Variants in AHCYL2 observed in about 807,000 individuals in gnomAD.
AHCYL2 encodes the protein S-adenosylhomocysteine hydrolase-like protein 2.
A neutral mutation model predicts 81.4 loss-of-function variants in AHCYL2; 28 were observed. The ratio of observed to expected loss-of-function variants is 0.34; its 90% CI spans 0.25 to 0.47. The LOEUF is 0.47. Among genes scored for constraint, AHCYL2 ranks in the 20% least tolerant of loss-of-function variants. The pLI, the probability that AHCYL2 is intolerant of heterozygous loss-of-function variation, is 1.00. For missense variants in AHCYL2, 551 were observed against 785.1 expected, an observed-to-expected ratio of 0.70 and a Z score of 3.56; for synonymous variants, 272 against 290.2, an observed-to-expected ratio of 0.94 and a Z score of 0.64.
intron 1 of AHCYL2, among the ~76,000 whole-genome samples, chr7:129,229,373 G>T (rs1794339973): frequency 6.6e-6 from 1 of 152,156 alleles, no homozygotes; most frequent in Admixed American, 6.5e-5. Flanking sequence ...TTATGTGCCA[G>T]GAGTTGTCAT....
intron 1 of AHCYL2, among the ~76,000 whole-genome samples, chr7:129,312,751 G>C (rs1797704052): frequency 6.6e-6 from 1 of 152,080 alleles, no homozygotes; most frequent in Non-Finnish European, 1.5e-5. Context: ...TCCACATTGA[G>C]ACATTGAACG....
intron 5 of AHCYL2, among the ~76,000 whole-genome samples, chr7:129,398,482 G>A (rs1332837024): frequency 2.6e-5 from 4 of 151,714 alleles, no homozygotes; most frequent in Non-Finnish European, 2.9e-5. Flanking sequence ...AGGTTCAAGC[G>A]ATTCTCCTGC....
intron 10 of AHCYL2, among the ~76,000 whole-genome samples, chr7:129,409,168 G>C (rs927982070): frequency 6.6e-6 from 1 of 152,128 alleles, no homozygotes; most frequent in Admixed American, 6.6e-5. Flanking sequence ...ATCTTGGAGA[G>C]AGCAGTTTCA....
chr7:129,291,243 G>A (rs1455426813), intron 1 of AHCYL2, among the ~76,000 whole-genome samples: 1 of 152,122 alleles, frequency 6.6e-6, no homozygotes, highest in Non-Finnish European at 1.5e-5. Flanking sequence ...TTGCAGGGAA[G>A]TAAAACAAAA....
At chr7:129,387,103 T>C (rs73721725) in intron 2 of AHCYL2, among the ~76,000 whole-genome samples, 2,069 of 152,354 alleles carry the variant, frequency 0.014, 49 homozygotes, top group African/African-American at 0.048. Flanking sequence ...TGTTCTCCTA[T>C]TATATAGTCT....
intron 1 of AHCYL2, among the ~76,000 whole-genome samples, chr7:129,260,740 C>T (rs1461546281): frequency 6.6e-6 from 1 of 152,200 alleles, no homozygotes; most frequent in African/African-American, 2.4e-5. Context: ...CAAAGGCCCA[C>T]CTTGAGCTTA....
At chr7:129,324,966 C>A (rs577113397) in intron 1 of AHCYL2, among the ~76,000 whole-genome samples, 1 of 152,316 alleles carries the variant, frequency 6.6e-6, no homozygotes, top group South Asian at 2.1e-4. Context: ...AGTGTACTTC[C>A]ATTTCTTTCC....
chr7:129,302,004 C>T (rs919997507), intron 1 of AHCYL2, among the ~76,000 whole-genome samples: 3 of 151,936 alleles, frequency 2.0e-5, no homozygotes, highest in East Asian at 1.9e-4. Flanking sequence ...TGTTCCAATC[C>T]GTGGACATGG....
chr7:129,234,529 C>G (rs1477784213), intron 1 of AHCYL2, among the ~76,000 whole-genome samples: 1 of 152,034 alleles, frequency 6.6e-6, no homozygotes, highest in Non-Finnish European at 1.5e-5. Context: ...AGGCGCGAGC[C>G]CACACCTGGC....
chr7:129,253,755 G>T (rs1057482588), intron 1 of AHCYL2, among the ~76,000 whole-genome samples: 1 of 152,120 alleles, frequency 6.6e-6, no homozygotes, highest in Non-Finnish European at 1.5e-5. Flanking sequence ...GGGATTACAG[G>T]CATAAGCTGC....
At chr7:129,411,305 A>G (rs569882293) in intron 11 of AHCYL2, among the ~76,000 whole-genome samples, 1 of 152,208 alleles carries the variant, frequency 6.6e-6, no homozygotes, top group East Asian at 1.9e-4. Flanking sequence ...TTATCACCCC[A>G]AAAAGAAACC....
At chr7:129,398,928 G>A (rs991852711) in intron 5 of AHCYL2, among the ~76,000 whole-genome samples, 1 of 151,936 alleles carries the variant, frequency 6.6e-6, no homozygotes, top group Admixed American at 6.6e-5. Context: ...GATCACCTGA[G>A]GTCAGGAATT....
At chr7:129,343,774 A>C (rs1793268560) in intron 1 of AHCYL2, among the ~76,000 whole-genome samples, 1 of 152,326 alleles carries the variant, frequency 6.6e-6, no homozygotes, top group Admixed American at 6.5e-5. Flanking sequence ...CACACAAAAA[A>C]TACTCTAAAA....
intron 1 of AHCYL2, among the ~76,000 whole-genome samples, chr7:129,255,714 G>A (rs1324896091): frequency 6.6e-6 from 1 of 152,198 alleles, no homozygotes; most frequent in Non-Finnish European, 1.5e-5. Flanking sequence ...TTGGCGCGGT[G>A]GTCCACGCCT....
At chr7:129,409,781 A>T (rs1183239207) in intron 11 of AHCYL2, among the ~76,000 whole-genome samples, 1 of 152,168 alleles carries the variant, frequency 6.6e-6, no homozygotes, top group Non-Finnish European at 1.5e-5. Context: ...GACAACTGTT[A>T]TATCTCCATT....
intron 1 of AHCYL2, among the ~76,000 whole-genome samples, chr7:129,343,917 A>AATTC: frequency 6.6e-6 from 1 of 152,352 alleles, no homozygotes; most frequent in East Asian, 1.9e-4. Flanking sequence ...TGGTATTTAG[A>AATTC]ATTCATATAA....
intron 1 of AHCYL2, among the ~76,000 whole-genome samples, chr7:129,373,857 A>G (rs1432111874): frequency 6.6e-6 from 1 of 152,202 alleles, no homozygotes; most frequent in Non-Finnish European, 1.5e-5. Flanking sequence ...AAGCAAGCAA[A>G]TGATCTGTCT....
intron 11 of AHCYL2, 93 bp downstream of exon 11, chr7:129,409,639 C>G: frequency 1.8e-6 from 2 of 1,100,390 alleles, no homozygotes; most frequent in African/African-American, 1.6e-5. Context: ...AAACCAAACT[C>G]TAAAAGCTAG....
intron 1 of AHCYL2, among the ~76,000 whole-genome samples, chr7:129,242,856 T>C (rs1250676195): frequency 2.0e-5 from 3 of 152,204 alleles, no homozygotes; most frequent in Non-Finnish European, 4.4e-5. Flanking sequence ...ATTAAACTTC[T>C]GTCAGGTAGT....
Sources: allele counts gnomAD v4.1 joint callset (sites outside exome capture counted in the v4.1 genomes callset), GRCh38; gene constraint gnomAD v4.1.1; transcripts MANE v1.5; gene names NCBI Gene and HGNC (gene_info 2026-07-23, HGNC 2026-07-21).